Variants in PGBD5 observed in about 807,000 individuals in gnomAD.
PGBD5 encodes the protein piggyBac transposable element derived 5.
Under a neutral mutation model 47.9 loss-of-function variants are expected in PGBD5, and 14 were observed. The ratio of observed to expected loss-of-function variants is 0.29; its 90% CI spans 0.19 to 0.46. The LOEUF (loss-of-function observed/expected upper bound fraction) is 0.46, where lower values mean the gene tolerates loss of function less well. PGBD5 is among the 20% of genes least tolerant of loss of function. The pLI, the probability that PGBD5 is intolerant of heterozygous loss-of-function variation, is 1.00. For synonymous variants in PGBD5, 316 were observed against 306.3 expected (o/e 1.03, Z -0.33); for missense variants, 635 against 716.0 (o/e 0.89, Z 1.29).
In PGBD5 at chr1:230,323,474, C is replaced by T; in HGVS notation, c.1526G>A (p.Arg509Lys). Residue 509 changes from arginine to lysine, a missense_variant, in exon 7 of 7, where the codon AGA becomes AAA. Coordinates refer to ENST00000391860, the MANE Select transcript of PGBD5 (RefSeq NM_001258311.2). The surrounding 1 kb of genome is among the most constrained non-coding windows in gnomAD (Gnocchi z 4.1). Reference protein sequence around the residue: ...KRYSRAQFGERLVRELLGLED... With the variant: ...KRYSRAQFGEKLVRELLGLED... ...CAAGCCCAGCAGCTCTCTGACGAGT[C>T]TCTCTCCAAACTGCGCCCGGCTGTA... 1.2e-6 allele frequency: 2 copies of T among 1,614,172 alleles called. No homozygotes were observed. The highest frequency in any genetic ancestry group is 1.7e-6 in the Non-Finnish European group (2 of 1,180,036).
At chr1:230,353,379 C>G (rs1204675334) in intron 2 of PGBD5, among the ~76,000 whole-genome samples, 2 of 152,158 alleles carry the variant, frequency 1.3e-5, no homozygotes, top group Admixed American at 1.3e-4. Context: ...TAATCTGGCT[C>G]CAGTTTTGAG....
intron 1 of PGBD5, among the ~76,000 whole-genome samples, chr1:230,404,306 C>T (rs1048713905): frequency 2.0e-5 from 3 of 151,890 alleles, no homozygotes; most frequent in Non-Finnish European, 4.4e-5. Context: ...CAGGGAGACC[C>T]CATCTCTACA....
intron 4 of PGBD5, among the ~76,000 whole-genome samples, chr1:230,335,640 A>C (rs371866659): frequency 9.1e-4 from 3 of 3,286 alleles, no homozygotes; most frequent in Admixed American, 3.5e-3. Flanking sequence ...CACAGACACA[A>C]ACACAGACGC....
Position 230,318,257 on chromosome 1 carries a change from G to A in PGBD5, c.*5168C>T, listed in dbSNP as rs1028261335. 2 of 152,362 alleles carry A rather than the reference G, an allele frequency of 1.3e-5. No individual in the cohort carries two copies. Among genetic ancestry groups the A allele is most frequent in the African/African-American group, 4.8e-5 (2 of 41,584 alleles). 9.4% of individuals were successfully genotyped at this position (152,362 alleles called of 1,614,324 possible). On this transcript the variant is annotated 3_prime_UTR_variant, in exon 7 of 7. Transcript: ENST00000391860. ...TGATACTCTTTATTTCTTATTGGGA[G>A]AGAATAACATACCTGCAAAGAAGGC...
intron 3 of PGBD5, among the ~76,000 whole-genome samples, chr1:230,341,083 C>CA (rs1425162774): frequency 6.6e-6 from 1 of 152,044 alleles, no homozygotes; most frequent in African/African-American, 2.4e-5. Context: ...GAAGTGGCAC[C>CA]AATGAGAGTC....
intron 1 of PGBD5, among the ~76,000 whole-genome samples, chr1:230,398,898 A>T (rs1657068425): frequency 6.6e-6 from 1 of 152,202 alleles, no homozygotes; most frequent in Non-Finnish European, 1.5e-5. Flanking sequence ...GCTGGTCTGA[A>T]ACAGAAGCGG....
chr1:230,355,554 C>T (rs973542099), intron 2 of PGBD5, among the ~76,000 whole-genome samples: 6 of 152,202 alleles, frequency 3.9e-5, no homozygotes, highest in African/African-American at 1.4e-4. Context: ...TGTGCTCAGG[C>T]CCGTCCTTGG....
chr1:230,335,904 C>A, intron 4 of PGBD5, among the ~76,000 whole-genome samples: 1 of 150,042 alleles, frequency 6.7e-6, no homozygotes, highest in African/African-American at 2.4e-5. Context: ...CACGGACATA[C>A]AGACACAAAG....
chr1:230,422,950 C>A (rs1558217907), intron 1 of PGBD5, among the ~76,000 whole-genome samples: 1 of 151,846 alleles, frequency 6.6e-6, no homozygotes, highest in Non-Finnish European at 1.5e-5. Context: ...TCATAATGGT[C>A]CCCAGTGTCT....
rs1216083546 is a variant in PGBD5, at chr1:230,316,304, C to T, written c.*7121G>A. On this transcript the variant is annotated 3_prime_UTR_variant, in exon 7 of 7. Transcript: ENST00000391860. ...GGATACGGTGATGAAGCTACAAAGT[C>T]ACACTATCCTATGGCCTTGTGTTTA... 6.5e-6 allele frequency: 1 copy of T among 152,878 alleles called. No individual in the cohort carries two copies. The highest frequency in any genetic ancestry group is 1.9e-4 in the East Asian group (1 of 5,186). The allele number at this position is 152,878 out of a possible 1,614,324, so 9.5% of individuals were successfully genotyped here.
chr1:230,370,789 A>G (rs1219740193), intron 1 of PGBD5, among the ~76,000 whole-genome samples: 1 of 152,198 alleles, frequency 6.6e-6, no homozygotes, highest in East Asian at 1.9e-4. Context: ...GCACATGGCT[A>G]AGAGCTGAAA....
At chr1:230,384,457 C>A (rs1656587847) in intron 1 of PGBD5, among the ~76,000 whole-genome samples, 1 of 152,134 alleles carries the variant, frequency 6.6e-6, no homozygotes, top group African/African-American at 2.4e-5. Context: ...GCATGTGAAG[C>A]TGAACGAGGT....
intron 2 of PGBD5, 42 bp downstream of exon 2, chr1:230,356,852 G>A (rs375633896): frequency 5.4e-5 from 85 of 1,582,092 alleles, no homozygotes; most frequent in Non-Finnish European, 6.5e-5. Flanking sequence ...CCGAGAGAGC[G>A]AGGACACCTG....
rs758765605 is a variant in PGBD5, at chr1:230,368,075, G to A, written c.332-10754C>T. On this transcript the variant is annotated intron_variant, in intron 1 of 6. Coordinates refer to ENST00000391860, the MANE Select transcript of PGBD5 (RefSeq NM_001258311.2). ...TGGAAGGCTGGGTCTTTTTAGCTCT[G>A]TGGTTGCTTCTGATTTTCCACGGAT... 2.2e-6 allele frequency: 3 copies of A among 1,367,916 alleles called. No homozygotes were observed. The South Asian group carries it at 3.4e-5, about 16-fold the overall frequency. 84.7% of individuals were successfully genotyped at this position (1,367,916 alleles called of 1,614,324 possible).
chr1:230,366,791 G>A (rs560347262), intron 1 of PGBD5, among the ~76,000 whole-genome samples: 85 of 152,250 alleles, frequency 5.6e-4, no homozygotes, highest in African/African-American at 1.9e-3. Context: ...TCACACCCAC[G>A]ACAGCATTGC....
Position 230,337,778 on chromosome 1 carries a change from C to T in PGBD5, c.895-490G>A, listed in dbSNP as rs954294128. On this transcript the variant is annotated intron_variant, in intron 3 of 6. Coordinates refer to ENST00000391860, the MANE Select transcript of PGBD5 (RefSeq NM_001258311.2). ...AAGAGGTATGATTCCCCTCACGGTG[C>T]AGAGGAGACAGGACTGAGGGCTAAA... is the stretch of plus-strand genomic sequence containing the variant. 5.3e-5 allele frequency among the ~76,000 whole-genome samples: 8 copies of T among 152,098 alleles called. No individual in the cohort carries two copies. In the South Asian group the frequency reaches 1.7e-3, roughly 32 times the overall value.
chr1:230,325,245 T>G, intron 6 of PGBD5, 65 bp downstream of exon 6: 1 of 1,188,158 alleles, frequency 8.4e-7, no homozygotes, highest in Non-Finnish European at 1.2e-6. Flanking sequence ...CATCTGCCAT[T>G]ACATCTCTTC....
chr1:230,421,950 G>C (rs1384696837), intron 1 of PGBD5, among the ~76,000 whole-genome samples: 1 of 152,008 alleles, frequency 6.6e-6, no homozygotes, highest in Non-Finnish European at 1.5e-5. Flanking sequence ...TTATTAAAAA[G>C]GCTTTAAACC....
chr1:230,335,770 G>GCC (rs1558192736), intron 4 of PGBD5, among the ~76,000 whole-genome samples: 30 of 358 alleles, frequency 0.084, no homozygotes, highest in Admixed American at 0.18. Flanking sequence ...CACAGATACA[G>GCC]ACAGACACAC....
Sources: gnomAD v4.1 joint callset for allele counts (sites outside exome capture counted in the v4.1 genomes callset) on GRCh38, gnomAD v4.1.1 for gene constraint, Gnocchi (gnomAD v3.1) non-coding constraint, MANE v1.5 for transcripts, NCBI Gene and HGNC (gene_info 2026-07-23, HGNC 2026-07-21) for gene names.